Variants in GPHN observed in about 807,000 individuals in gnomAD.
GPHN encodes gephyrin.
Under a neutral mutation model 95.5 loss-of-function variants are expected in GPHN, and 17 were observed. The observed-to-expected ratio is 0.18, with a 90% confidence interval of 0.12 to 0.27. GPHN has a LOEUF of 0.27. Among genes scored for constraint, GPHN ranks in the 10% least tolerant of loss-of-function variants. The probability of loss-of-function intolerance (pLI) is 1.00; values close to 1 mark genes in which losing one functional copy is unlikely to be tolerated. For missense variants in GPHN, 660 were observed against 978.1 expected (o/e 0.67, Z 4.34); for synonymous variants, 320 against 322.5 (o/e 0.99, Z 0.08).
the GPHN span, chr14:67,338,816 G>A: frequency 1.3e-6 from 2 of 1,490,588 alleles, no homozygotes; most frequent in East Asian, 4.6e-5. Context: ...ATATTAAGTA[G>A]ATTTGATTTC....
At chr14:67,532,068 ACGAGCTATAAAG>A in the GPHN span, among the ~76,000 whole-genome samples, 1 of 152,140 alleles carries the variant, frequency 6.6e-6, no homozygotes, top group South Asian at 2.1e-4. Context: ...CCCAATCCCC[ACGAGCTATAAAG>A]CTGTTTGCAA....
chr14:67,165,033 T>C (rs901921204), intron 19 of GPHN, 129 bp from the exon 20 acceptor site: 1 of 697,730 alleles, frequency 1.4e-6, no homozygotes, highest in Admixed American at 2.2e-5. Context: ...AGTATAAAGA[T>C]GTAAAGGCAA....
the GPHN span, among the ~76,000 whole-genome samples, chr14:67,504,381 T>G: frequency 6.6e-6 from 1 of 152,194 alleles, no homozygotes; most frequent in Non-Finnish European, 1.5e-5. Flanking sequence ...GAAAGCATGT[T>G]TACTGTACTA....
the GPHN span, among the ~76,000 whole-genome samples, chr14:67,433,629 CA>C: frequency 6.6e-6 from 1 of 151,828 alleles, no homozygotes; most frequent in Non-Finnish European, 1.5e-5. Context: ...GACAAAATAT[CA>C]AAAAAATTTT....
chr14:67,035,005 C>A (rs1405701731), intron 10 of GPHN, among the ~76,000 whole-genome samples: 2 of 151,834 alleles, frequency 1.3e-5, no homozygotes, highest in Non-Finnish European at 2.9e-5. Flanking sequence ...TAGGATAGAC[C>A]ACATATTAGG....
the GPHN span, among the ~76,000 whole-genome samples, chr14:67,186,997 C>T: frequency 1.3e-5 from 2 of 152,018 alleles, no homozygotes; most frequent in African/African-American, 4.8e-5. Flanking sequence ...AGACAGGAAA[C>T]GGCTTAAAGA....
intron 2 of GPHN, among the ~76,000 whole-genome samples, chr14:66,775,318 G>T (rs2059341998): frequency 6.6e-6 from 1 of 152,168 alleles, no homozygotes; most frequent in East Asian, 1.9e-4. Context: ...TAATCAGAAG[G>T]TTCCTTGGTA....
At chr14:67,278,011 GTAATTCT>G in the GPHN span, among the ~76,000 whole-genome samples, 1 of 150,106 alleles carries the variant, frequency 6.7e-6, no homozygotes, top group Non-Finnish European at 1.5e-5. Context: ...ATGAATCCTT[GTAATTCT>G]TGTAGAGTTA....
At chr14:66,611,640 T>C (rs1282474130) in intron 1 of GPHN, among the ~76,000 whole-genome samples, 1 of 152,168 alleles carries the variant, frequency 6.6e-6, no homozygotes. Flanking sequence ...TATTCTGTTT[T>C]CAGTAGGTTA....
chr14:67,528,625 A>G, the GPHN span, among the ~76,000 whole-genome samples: 4 of 152,166 alleles, frequency 2.6e-5, no homozygotes, highest in African/African-American at 9.7e-5. Context: ...GAGCTCCACC[A>G]GCTCCCAACT....
At chr14:67,579,969 G>A in the GPHN span, 1 of 1,233,912 alleles carries the variant, frequency 8.1e-7, no homozygotes, top group South Asian at 1.4e-5. Context: ...CTGACTGTTT[G>A]GTAGCTCATT....
chr14:67,164,525 G>T (rs533205289), intron 19 of GPHN, among the ~76,000 whole-genome samples: 2 of 151,658 alleles, frequency 1.3e-5, no homozygotes, highest in African/African-American at 4.8e-5. Flanking sequence ...ATGGAGTCTT[G>T]CTCTGTCGCC....
intron 13 of GPHN, among the ~76,000 whole-genome samples, chr14:67,102,861 T>A (rs1386334645): frequency 6.6e-6 from 1 of 152,108 alleles, no homozygotes; most frequent in African/African-American, 2.4e-5. Flanking sequence ...CATTTTAGCA[T>A]CCAAAAATTG....
At chr14:67,315,661 C>T in the GPHN span, among the ~76,000 whole-genome samples, 1 of 152,224 alleles carries the variant, frequency 6.6e-6, no homozygotes, top group Non-Finnish European at 1.5e-5. Context: ...CACAGTGGCT[C>T]ATGCCCCTAA....
the GPHN span, among the ~76,000 whole-genome samples, chr14:67,452,704 G>A: frequency 6.6e-6 from 1 of 152,198 alleles, no homozygotes; most frequent in African/African-American, 2.4e-5. Context: ...CTTATCATCT[G>A]TGTGACCTGG....
chr14:66,614,076 C>G (rs1468521589), intron 1 of GPHN, among the ~76,000 whole-genome samples: 2 of 152,022 alleles, frequency 1.3e-5, no homozygotes, highest in African/African-American at 4.8e-5. Flanking sequence ...GATACTATAC[C>G]TTTGTTGTTA....
intron 8 of GPHN, among the ~76,000 whole-genome samples, chr14:66,951,514 C>CAA (rs34837551): frequency 3.0e-4 from 19 of 63,824 alleles, no homozygotes; most frequent in African/African-American, 1.0e-3. Context: ...AACTTCATCT[C>CAA]AAAAAAAAAA....
the GPHN span, chr14:67,589,454 A>T: frequency 1.0e-6 from 1 of 985,398 alleles, no homozygotes; most frequent in African/African-American, 1.7e-5. Context: ...TGAGTAACAG[A>T]AAAGTATTAA....
chr14:67,562,073 G>A, the GPHN span: 27 of 1,609,144 alleles, frequency 1.7e-5, no homozygotes, highest in South Asian at 2.1e-4. Flanking sequence ...CAGTACGTGT[G>A]TTTGGTGGGT....
Sources: allele counts gnomAD v4.1 joint callset (sites outside exome capture counted in the v4.1 genomes callset), GRCh38; gene constraint gnomAD v4.1.1; transcripts MANE v1.5; gene names NCBI Gene and HGNC (gene_info 2026-07-23, HGNC 2026-07-21).